Variants in AGO2 observed in about 807,000 individuals in gnomAD.
AGO2 encodes the protein protein argonaute-2.
AGO2 carries 5 observed loss-of-function variants against 102.3 expected under a neutral mutation model. The ratio of observed to expected loss-of-function variants is 0.05; its 90% confidence interval spans 0.03 to 0.10. The LOEUF (loss-of-function observed/expected upper bound fraction) is 0.10, where lower values mean the gene tolerates loss of function less well. AGO2 is among the 10% of genes least tolerant of loss of function. The pLI is 1.00. For synonymous variants in AGO2, 449 were observed against 473.1 expected (o/e 0.95, Z 0.66); for missense variants, 541 against 1,183.7 (o/e 0.46, Z 7.97).
chr8:140,584,718 A>ACT (rs2073623003), intron 2 of AGO2, among the ~76,000 whole-genome samples: 2 of 152,182 alleles, frequency 1.3e-5, no homozygotes, highest in Non-Finnish European at 2.9e-5. Flanking sequence ...GTCGGGATTG[A>ACT]GGGTGTGTCA....
intron 17 of AGO2, among the ~76,000 whole-genome samples, chr8:140,534,579 C>A (rs998529732): frequency 6.6e-6 from 1 of 152,254 alleles, no homozygotes; most frequent in African/African-American, 2.4e-5. Flanking sequence ...GGCCCACAGG[C>A]CACGGTTCCC....
Position 140,635,545 on chromosome 8 carries a change from C to A in AGO2, c.-39G>T. On this transcript the variant is annotated 5_prime_UTR_variant, in exon 1 of 19. Transcript: ENST00000220592. ...AGGGGCTCCGGGGCCGAGGGGCGGCCGCGCGCGCGCCACGGGCCCCGACGC... is the reference window on the plus strand; with the variant it reads ...AGGGGCTCCGGGGCCGAGGGGCGGCAGCGCGCGCGCCACGGGCCCCGACGC... 1 of 972,616 alleles carries A rather than the reference C, an allele frequency of 1.0e-6. No individual in the cohort carries two copies. Among genetic ancestry groups the A allele is most frequent in the Non-Finnish European group, 1.2e-6 (1 of 821,482 alleles). 60.2% of individuals were successfully genotyped at this position (972,616 alleles called of 1,614,324 possible).
chr8:140,590,269 G>A (rs1314483142), intron 1 of AGO2, among the ~76,000 whole-genome samples: 8 of 152,168 alleles, frequency 5.3e-5, no homozygotes, highest in Non-Finnish European at 1.0e-4. Flanking sequence ...AACTGACCTC[G>A]ACAGGGGCTC....
intron 5 of AGO2, among the ~76,000 whole-genome samples, chr8:140,560,060 C>T (rs1456067143): frequency 6.6e-6 from 1 of 152,186 alleles, no homozygotes; most frequent in Non-Finnish European, 1.5e-5. Flanking sequence ...GAGGGACAGG[C>T]CACACCCAGG....
chr8:140,567,287 G>A lies in AGO2; in HGVS notation c.337-4653C>T, dbSNP rs1410533839. ...CGTGTGTGGCAGCTTAGGGCTGCAT[G>A]GAGATTTTACGACGGCCATCACGCC... On this transcript the variant is annotated intron_variant, in intron 3 of 18. Coordinates refer to ENST00000220592, the MANE Select transcript of AGO2 (RefSeq NM_012154.5). This position sits in a 1 kb window ranked among gnomAD's most constrained non-coding sequence, Gnocchi z 5.0. Among the ~76,000 whole-genome samples, 1 of 152,260 alleles carries A rather than the reference G, an allele frequency of 6.6e-6. No individual in the cohort carries two copies. Among genetic ancestry groups the A allele is most frequent in the Non-Finnish European group, 1.5e-5 (1 of 68,044 alleles).
At chr8:140,586,181 C>T (rs2073651911) in intron 1 of AGO2, among the ~76,000 whole-genome samples, 1 of 152,194 alleles carries the variant, frequency 6.6e-6, no homozygotes, top group Non-Finnish European at 1.5e-5. Context: ...GGGCACCATG[C>T]CCTGGGCCAA....
intron 18 of AGO2, 87 bp from the exon 19 acceptor site, chr8:140,532,239 T>C (rs2072610902): frequency 4.2e-6 from 6 of 1,444,602 alleles, no homozygotes; most frequent in East Asian, 2.3e-5. Context: ...CGGGATGGCA[T>C]GGCGGGAACC....
chr8:140,639,498 A>G (rs1300842867), upstream of AGO2, among the ~76,000 whole-genome samples: 1 of 139,892 alleles, frequency 7.1e-6, no homozygotes, highest in African/African-American at 2.6e-5. Context: ...AAAAAAACTA[A>G]GCAGGCCATA....
intron 8 of AGO2, among the ~76,000 whole-genome samples, chr8:140,556,849 C>T (rs112968360): frequency 4.6e-5 from 7 of 152,144 alleles, no homozygotes; most frequent in African/African-American, 9.7e-5. Context: ...CTGCTGGACA[C>T]GTTACACACA....
chr8:140,635,498 C>A lies in AGO2; in HGVS notation c.9G>T (p.Ser3=). 4 of 980,258 alleles carry A rather than the reference C, an allele frequency of 4.1e-6. No individual in the cohort carries two copies. In the South Asian group the frequency reaches 1.8e-4, roughly 44 times the overall value. The allele number at this position is 980,258 out of a possible 1,614,324, so 60.7% of individuals were successfully genotyped here. Residue 3 remains serine, a synonymous_variant, in exon 1 of 19, where the codon TCG becomes TCT. Transcript: ENST00000220592. MY[S]GAGPALAPPA... is the part of the protein sequence containing the mutation. ...GCCAGGACTCACCGGGGCCGGCTCC[C>A]GAGTACATGGTGGCGCCGCCGAGGG...
chr8:140,542,015 T>G (rs1800497006), intron 14 of AGO2, among the ~76,000 whole-genome samples: 1 of 152,300 alleles, frequency 6.6e-6, no homozygotes, highest in Non-Finnish European at 1.5e-5. Flanking sequence ...GGTGTCCCTA[T>G]TTCTTCCAAA....
chr8:140,543,481 A>T (rs963589045), intron 14 of AGO2, among the ~76,000 whole-genome samples: 1 of 152,136 alleles, frequency 6.6e-6, no homozygotes, highest in Non-Finnish European at 1.5e-5. Context: ...TTTGAGAGAA[A>T]ATCTCACTTT....
At chr8:140,551,469 A>G (rs1328912763) in intron 10 of AGO2, 33 bp from the exon 11 acceptor site, 2 of 1,488,144 alleles carry the variant, frequency 1.3e-6, no homozygotes, top group Non-Finnish European at 1.8e-6. Context: ...GGTGAGAAAA[A>G]AATGGAAAAC....
intron 2 of AGO2, among the ~76,000 whole-genome samples, chr8:140,584,164 A>T (rs2073608704): frequency 6.6e-6 from 1 of 151,958 alleles, no homozygotes; most frequent in Non-Finnish European, 1.5e-5. Flanking sequence ...CAAAACAGGC[A>T]AAATACTTCA....
At chr8:140,545,692 A>AT (rs553070519) in intron 13 of AGO2, among the ~76,000 whole-genome samples, 98 of 152,196 alleles carry the variant, frequency 6.4e-4, no homozygotes, top group Admixed American at 1.3e-3. Context: ...AAGGGCCTTG[A>AT]TTTTTCCTTC....
intron 1 of AGO2, among the ~76,000 whole-genome samples, chr8:140,628,395 G>A (rs1426547180): frequency 6.6e-6 from 1 of 151,096 alleles, no homozygotes; most frequent in East Asian, 1.9e-4. Context: ...ACGTGTGTGT[G>A]TGCGTGTGTG....
chr8:140,563,449 T>C (rs1237576243), intron 3 of AGO2, among the ~76,000 whole-genome samples: 1 of 152,214 alleles, frequency 6.6e-6, no homozygotes, highest in East Asian at 1.9e-4. Context: ...TTACCTGTGC[T>C]GGTTTTGAAC....
At chr8:140,545,965 T>C (rs1412576364) in intron 13 of AGO2, among the ~76,000 whole-genome samples, 1 of 152,114 alleles carries the variant, frequency 6.6e-6, no homozygotes, top group African/African-American at 2.4e-5. Context: ...GCTCTCATGG[T>C]CCTCTCATGG....
rs942619987 is a variant in AGO2 at position 140,567,653 on chromosome 8, G to A, written c.337-5019C>T. The stretch of plus-strand genomic sequence containing the variant: ...AATAGAAAATGTCAGCCCAGGACTC[G>A]ATCCAAGGCCTGGAGCACGGCGAGG... On this transcript the variant is annotated intron_variant, in intron 3 of 18. Transcript: ENST00000220592. The surrounding 1 kb of genome is among the most constrained non-coding windows in gnomAD (Gnocchi z 5.0). Among the ~76,000 whole-genome samples, 14 of 152,210 alleles carry A rather than the reference G, an allele frequency of 9.2e-5. No individual in the cohort carries two copies. The highest frequency in any genetic ancestry group is 1.6e-4 in the Non-Finnish European group (11 of 68,042).
Sources: allele counts gnomAD v4.1 joint callset (sites outside exome capture counted in the v4.1 genomes callset), GRCh38; gene constraint gnomAD v4.1.1; non-coding constraint Gnocchi (gnomAD v3.1); transcripts MANE v1.5; gene names NCBI Gene and HGNC (gene_info 2026-07-23, HGNC 2026-07-21).